ATXN1: variants seen among roughly 807,000 people sequenced by gnomAD.
ATXN1 encodes the protein ataxin-1.
ATXN1 carries 8 observed loss-of-function variants against 56.4 expected under a neutral mutation model. The ratio of observed to expected loss-of-function variants is 0.14; its 90% CI spans 0.08 to 0.26. The LOEUF is 0.26. Among genes scored for constraint, ATXN1 ranks in the 10% least tolerant of loss-of-function variants. The pLI is 1.00. For synonymous variants in ATXN1, 514 were observed against 494.6 expected (o/e 1.04, Z -0.52); for missense variants, 987 against 1,106.5 (o/e 0.89, Z 1.53).
At position 16,726,061 on chromosome 6, in the gene ATXN1, C is replaced by T. The variant is rs1759841561; in HGVS notation, c.-615+27172G>A. On this transcript the variant is annotated intron_variant, in intron 2 of 7. Coordinates refer to ENST00000436367, the MANE Select transcript of ATXN1 (RefSeq NM_001128164.2). ...ATTAAGATGAAGCCCTAGAAAGTAG[C>T]TTCTTATACCCTGTGAACTGTAAGA... 5.3e-5 allele frequency among the ~76,000 whole-genome samples: 8 copies of T among 152,170 alleles called. No individual in the cohort carries two copies. In the South Asian group the frequency reaches 1.7e-3, roughly 32 times the overall value.
chr6:16,743,428 A>G (rs1404185443), intron 2 of ATXN1, among the ~76,000 whole-genome samples: 3 of 152,240 alleles, frequency 2.0e-5, no homozygotes, highest in Admixed American at 2.0e-4. Flanking sequence ...TGTGGTTCAC[A>G]GGACCCCATG....
At chr6:16,310,747 A>G (rs978639773) in intron 7 of ATXN1, among the ~76,000 whole-genome samples, 1 of 152,202 alleles carries the variant, frequency 6.6e-6, no homozygotes, top group Non-Finnish European at 1.5e-5. Flanking sequence ...TCAGTCTCCC[A>G]AAGTGCTGGG....
At chr6:16,494,098 GGGCTGGACTGAGAGGCATCTCCAGTGC>G (rs1760725501) in intron 5 of ATXN1, among the ~76,000 whole-genome samples, 1 of 9,420 alleles carries the variant, frequency 1.1e-4, no homozygotes, top group African/African-American at 9.8e-4. Context: ...CTCCAGTGCA[GGGCTGGACTGAGAGGCATCTCCAGTGC>G]AGGGCTGGAC....
intron 6 of ATXN1, among the ~76,000 whole-genome samples, chr6:16,400,810 G>A (rs565505210): frequency 2.6e-5 from 4 of 152,308 alleles, no homozygotes. Flanking sequence ...ACAAGCCAGA[G>A]AAAAGCTCAA....
chr6:16,677,597 G>A (rs1758714809), intron 2 of ATXN1, among the ~76,000 whole-genome samples: 2 of 152,082 alleles, frequency 1.3e-5, no homozygotes, highest in African/African-American at 4.8e-5. Flanking sequence ...TGTTTTGCCT[G>A]TATCTTGCTT....
rs1322038092 is a variant in ATXN1 at position 16,334,552 on chromosome 6, C to CA, written c.-160-6083dup. 4.0e-5 allele frequency among the ~76,000 whole-genome samples: 6 copies of CA among 151,812 alleles called. No homozygotes were observed. In the East Asian group the frequency reaches 1.2e-3, roughly 29 times the overall value. On this transcript the variant is annotated intron_variant, in intron 6 of 7. Transcript: ENST00000436367. ...ACAACATATCGAGATCCTGTCTCTA[C>CA]AAAAAATAAAAAAAATTAGCTAGGC...
chr6:16,740,082 C>T (rs1434679734), intron 2 of ATXN1, among the ~76,000 whole-genome samples: 2 of 152,226 alleles, frequency 1.3e-5, no homozygotes, highest in Middle Eastern at 6.8e-3. Flanking sequence ...AATGAGGTTT[C>T]CAGATATAAA....
At chr6:16,748,826 C>G (rs897746277) in intron 2 of ATXN1, among the ~76,000 whole-genome samples, 11 of 152,006 alleles carry the variant, frequency 7.2e-5, no homozygotes, top group African/African-American at 2.7e-4. Flanking sequence ...ACACAGAGAG[C>G]CCATCCTAAC....
chr6:16,681,972 G>A (rs992082942), intron 2 of ATXN1, among the ~76,000 whole-genome samples: 1 of 152,134 alleles, frequency 6.6e-6, no homozygotes, highest in Non-Finnish European at 1.5e-5. Context: ...GCCTGAAAAC[G>A]AAAGTCCCCC....
chr6:16,568,147 G>A lies in ATXN1; in HGVS notation c.-361+17633C>T, dbSNP rs918067327. 7.9e-5 allele frequency among the ~76,000 whole-genome samples: 12 copies of A among 152,146 alleles called. No homozygotes were observed. The South Asian group carries it at 1.0e-3, about 13-fold the overall frequency. ...CTCAATTTTTCTACAATTTATAGGC[G>A]GACTGTGCAAAAGATTTTCATAGCC... On this transcript the variant is annotated intron_variant, in intron 4 of 7. Coordinates refer to ENST00000436367, the MANE Select transcript of ATXN1 (RefSeq NM_001128164.2).
At chr6:16,640,949 T>A (rs1309417446) in intron 3 of ATXN1, among the ~76,000 whole-genome samples, 1 of 152,188 alleles carries the variant, frequency 6.6e-6, no homozygotes, top group Admixed American at 6.5e-5. Context: ...AGTGAACTCA[T>A]CAATGGTAAG....
intron 4 of ATXN1, among the ~76,000 whole-genome samples, chr6:16,555,636 C>T (rs368869094): frequency 9.2e-5 from 14 of 152,176 alleles, no homozygotes; most frequent in African/African-American, 2.9e-4. Context: ...GTGTCTAAAA[C>T]CAACTGGGTG....
intron 4 of ATXN1, among the ~76,000 whole-genome samples, chr6:16,574,901 A>T (rs1400136704): frequency 6.6e-6 from 1 of 150,790 alleles, no homozygotes; most frequent in Non-Finnish European, 1.5e-5. Flanking sequence ...CTAATCTGTG[A>T]CAGTTCCTGA....
At chr6:16,523,938 T>A (rs767572338) in intron 4 of ATXN1, among the ~76,000 whole-genome samples, 1 of 152,246 alleles carries the variant, frequency 6.6e-6, no homozygotes, top group Non-Finnish European at 1.5e-5. Flanking sequence ...CAGAGACTAT[T>A]TTAAAGACGC....
At chr6:16,365,632 T>A (rs1386685854) in intron 6 of ATXN1, among the ~76,000 whole-genome samples, 2 of 152,238 alleles carry the variant, frequency 1.3e-5, no homozygotes, top group East Asian at 3.8e-4. Context: ...GAAACATTAT[T>A]TTACTTTTCA....
At chr6:16,617,971 G>A (rs1763250457) in intron 3 of ATXN1, among the ~76,000 whole-genome samples, 1 of 151,184 alleles carries the variant, frequency 6.6e-6, no homozygotes, top group Admixed American at 6.6e-5. Flanking sequence ...TATAAACTAT[G>A]AGATAATAAA....
intron 3 of ATXN1, among the ~76,000 whole-genome samples, chr6:16,586,773 C>G (rs9396691): frequency 0.068 from 10,383 of 152,202 alleles, 828 homozygotes; most frequent in East Asian, 0.46. Flanking sequence ...GTAATCCCAG[C>G]ACTTTGGGAG....
At chr6:16,546,575 T>C (rs1017247394) in intron 4 of ATXN1, among the ~76,000 whole-genome samples, 3 of 152,220 alleles carry the variant, frequency 2.0e-5, no homozygotes, top group African/African-American at 7.2e-5. Context: ...AATTTTAATC[T>C]CAGCTTTGCC....
chr6:16,324,958 G>A (rs1760768033), intron 7 of ATXN1, among the ~76,000 whole-genome samples: 1 of 152,078 alleles, frequency 6.6e-6, no homozygotes, highest in African/African-American at 2.4e-5. Flanking sequence ...GTCTCTCCTA[G>A]GATTAGCTAA....
Sources: allele counts gnomAD v4.1 joint callset (sites outside exome capture counted in the v4.1 genomes callset), GRCh38; gene constraint gnomAD v4.1.1; transcripts MANE v1.5; gene names NCBI Gene and HGNC (gene_info 2026-07-23, HGNC 2026-07-21).